LRBA: variants seen among roughly 807,000 people sequenced by gnomAD.
LRBA encodes the protein LPS responsive beige-like anchor protein.
LRBA carries 176 observed loss-of-function variants against 330.0 expected under a neutral mutation model. That is an observed-to-expected ratio of 0.53 (90% CI 0.47 to 0.60). LRBA has a LOEUF of 0.60. Among genes scored for constraint, LRBA ranks in the 20% least tolerant of loss-of-function variants. LRBA has a pLI of 0.00. For synonymous variants in LRBA, 1,230 were observed against 1,193.0 expected (o/e 1.03, Z -0.64); for missense variants, 3,259 against 3,444.8 (o/e 0.95, Z 1.35).
chr4:150,987,676 A>G (rs1269687110), intron 2 of LRBA, among the ~76,000 whole-genome samples: 1 of 151,702 alleles, frequency 6.6e-6, no homozygotes, highest in Non-Finnish European at 1.5e-5. Flanking sequence ...ACTGCACTCC[A>G]GCCTGGGCGA....
intron 40 of LRBA, among the ~76,000 whole-genome samples, chr4:150,586,746 T>C (rs1180940295): frequency 6.6e-6 from 1 of 152,200 alleles, no homozygotes; most frequent in East Asian, 1.9e-4. Context: ...GCAGAGATTC[T>C]AATTTTCAGA....
chr4:150,360,245 G>A (rs1229551623), intron 47 of LRBA, among the ~76,000 whole-genome samples: 2 of 151,062 alleles, frequency 1.3e-5, no homozygotes, highest in Admixed American at 1.3e-4. Flanking sequence ...CTCCTGCCTT[G>A]GCCTTCCAAA....
At chr4:150,816,882 C>T (rs934218093) in intron 31 of LRBA, among the ~76,000 whole-genome samples, 2 of 151,896 alleles carry the variant, frequency 1.3e-5, no homozygotes, top group Non-Finnish European at 2.9e-5. Flanking sequence ...CACTCATCTA[C>T]CCAACTAGCA....
rs766023178 is a variant in LRBA at position 150,567,019 on chromosome 4, T to C, written c.6330+21029A>G. 7.9e-5 allele frequency among the ~76,000 whole-genome samples: 12 copies of C among 152,270 alleles called. No homozygotes were observed. The South Asian group carries it at 2.5e-3, about 32-fold the overall frequency. On this transcript the variant is annotated intron_variant, in intron 40 of 56. Transcript: ENST00000651943. Reference sequence around the variant, plus strand: ...TTTTATTAACTTCATTTCCATCTTTTATGAACAGCATGGATATAACTACCA... The same window carrying C: ...TTTTATTAACTTCATTTCCATCTTTCATGAACAGCATGGATATAACTACCA...
chr4:150,335,737 C>G (rs951559669), intron 48 of LRBA, among the ~76,000 whole-genome samples: 11 of 152,074 alleles, frequency 7.2e-5, no homozygotes, highest in African/African-American at 2.4e-4. Flanking sequence ...CACTTTGTCA[C>G]CCAGGCTGGA....
chr4:150,414,426 G>A (rs1057327910), intron 47 of LRBA, among the ~76,000 whole-genome samples: 2 of 152,088 alleles, frequency 1.3e-5, no homozygotes, highest in South Asian at 2.1e-4. Flanking sequence ...TAAAAACAAT[G>A]CAACTGAGAT....
chr4:150,962,126 C>T (rs1738214054), intron 2 of LRBA, among the ~76,000 whole-genome samples: 1 of 149,296 alleles, frequency 6.7e-6, no homozygotes, highest in Admixed American at 6.6e-5. Flanking sequence ...GAATAATAAA[C>T]AATTCAATAA....
intron 17 of LRBA, among the ~76,000 whole-genome samples, chr4:150,879,781 T>C (rs561751993): frequency 3.9e-5 from 6 of 152,276 alleles, no homozygotes; most frequent in East Asian, 1.9e-4. Context: ...TGCTCAAGGA[T>C]TGGAAGAATC....
intron 47 of LRBA, among the ~76,000 whole-genome samples, chr4:150,411,931 C>A (rs1747069971): frequency 6.6e-6 from 1 of 151,896 alleles, no homozygotes; most frequent in Non-Finnish European, 1.5e-5. Flanking sequence ...AATATGCTAA[C>A]CAATACATAA....
intron 40 of LRBA, among the ~76,000 whole-genome samples, chr4:150,573,249 G>T (rs1345908617): frequency 6.6e-6 from 1 of 152,176 alleles, no homozygotes; most frequent in African/African-American, 2.4e-5. Context: ...ATCAGTAGGG[G>T]CAAGCCCTGG....
chr4:150,457,085 TA>T (rs1236137533), intron 44 of LRBA, among the ~76,000 whole-genome samples: 1 of 152,050 alleles, frequency 6.6e-6, no homozygotes, highest in Non-Finnish European at 1.5e-5. Context: ...TCCTCTAAAT[TA>T]AAAAAACTAT....
intron 13 of LRBA, among the ~76,000 whole-genome samples, 183 bp downstream of exon 13, chr4:150,905,651 TACAC>T (rs201719628): frequency 6.6e-6 from 1 of 151,296 alleles, no homozygotes; most frequent in Non-Finnish European, 1.5e-5. Flanking sequence ...TATATATTCA[TACAC>T]ACACACACAC....
At chr4:150,652,428 A>G (rs976221759) in intron 37 of LRBA, among the ~76,000 whole-genome samples, 2 of 152,042 alleles carry the variant, frequency 1.3e-5, no homozygotes, top group Non-Finnish European at 2.9e-5. Flanking sequence ...TTGCATTCTG[A>G]ATTTTTCTAA....
chr4:150,753,813 A>G (rs1733884659), intron 35 of LRBA, among the ~76,000 whole-genome samples: 1 of 152,158 alleles, frequency 6.6e-6, no homozygotes, highest in African/African-American at 2.4e-5. Flanking sequence ...CACACCTGTA[A>G]TCCCATTACT....
intron 37 of LRBA, among the ~76,000 whole-genome samples, chr4:150,617,040 A>G (rs1343329925): frequency 6.6e-6 from 1 of 152,218 alleles, no homozygotes; most frequent in Non-Finnish European, 1.5e-5. Flanking sequence ...CAAGCTTGTC[A>G]ACTAGGGTTT....
chr4:150,793,095 A>C (rs573200751), intron 34 of LRBA, among the ~76,000 whole-genome samples: 1 of 152,082 alleles, frequency 6.6e-6, no homozygotes, highest in Non-Finnish European at 1.5e-5. Context: ...AAAAAAAAAA[A>C]AGAAAGAGGT....
chr4:150,384,039 T>C (rs1309542931), intron 47 of LRBA, among the ~76,000 whole-genome samples: 1 of 151,896 alleles, frequency 6.6e-6, no homozygotes, highest in Non-Finnish European at 1.5e-5. Flanking sequence ...ATTTTTTATT[T>C]ATTTATTTAT....
intron 40 of LRBA, among the ~76,000 whole-genome samples, chr4:150,529,206 C>T (rs1488558475): frequency 6.6e-6 from 1 of 152,106 alleles, no homozygotes; most frequent in Non-Finnish European, 1.5e-5. Context: ...ATATGCAGGT[C>T]TGTGTGTCTA....
At chr4:150,914,718 G>A (rs1015543154) in intron 8 of LRBA, among the ~76,000 whole-genome samples, 2 of 152,004 alleles carry the variant, frequency 1.3e-5, no homozygotes, top group South Asian at 4.1e-4. Context: ...TACAATGCCT[G>A]GAATACAAAA....
Sources: gnomAD v4.1 joint callset for allele counts (sites outside exome capture counted in the v4.1 genomes callset) on GRCh38, gnomAD v4.1.1 for gene constraint, MANE v1.5 for transcripts, NCBI Gene and HGNC (gene_info 2026-07-23, HGNC 2026-07-21) for gene names.